USP47: variants seen among roughly 807,000 people sequenced by gnomAD.
USP47 encodes ubiquitin specific peptidase 47, also known as ubiquitin carboxyl-terminal hydrolase 47.
A neutral mutation model predicts 165.1 loss-of-function variants in USP47; 35 were observed. The observed-to-expected ratio is 0.21, with a 90% CI of 0.16 to 0.28. The LOEUF is 0.28. USP47 is among the 10% of genes least tolerant of loss of function. The probability of loss-of-function intolerance (pLI) is 1.00; values close to 1 mark genes in which losing one functional copy is unlikely to be tolerated. For synonymous variants in USP47, 531 were observed against 544.5 expected (o/e 0.98, Z 0.35); for missense variants, 1,277 against 1,607.4 (o/e 0.79, Z 3.52).
intron 20 of USP47, chr11:11,943,458 G>T (rs1855623001): frequency 6.2e-6 from 1 of 160,264 alleles, no homozygotes; most frequent in Non-Finnish European, 1.4e-5. Flanking sequence ...TCAATGCCCA[G>T]GAAAATGTTT....
intron 8 of USP47, among the ~76,000 whole-genome samples, chr11:11,915,494 A>C (rs1460811878): frequency 2.0e-5 from 3 of 152,206 alleles, no homozygotes; most frequent in African/African-American, 4.8e-5. Flanking sequence ...ATACACAGGC[A>C]AATGAGTGCA....
At chr11:11,892,495 C>A (rs1851594670) in intron 4 of USP47, among the ~76,000 whole-genome samples, 1 of 150,704 alleles carries the variant, frequency 6.6e-6, no homozygotes. Context: ...AATCCTCCCA[C>A]CTCAGTCCCC....
At chr11:11,850,364 T>G (rs927179860) in intron 1 of USP47, among the ~76,000 whole-genome samples, 16 of 151,702 alleles carry the variant, frequency 1.1e-4, no homozygotes, top group African/African-American at 3.6e-4. Context: ...GTTTTTCTAC[T>G]AAGTTCTTAT....
intron 11 of USP47, 26 bp downstream of exon 11, chr11:11,922,917 A>G (rs761452066): frequency 1.9e-6 from 3 of 1,600,092 alleles, no homozygotes; most frequent in Non-Finnish European, 2.6e-6. Flanking sequence ...TGCATTTTTT[A>G]GTTGAAAGTG....
At chr11:11,886,092 A>G (rs1214223180) in intron 3 of USP47, among the ~76,000 whole-genome samples, 2 of 152,232 alleles carry the variant, frequency 1.3e-5, no homozygotes, top group Non-Finnish European at 2.9e-5. Flanking sequence ...TCCCTATTCA[A>G]AGGTCAGCAA....
intron 8 of USP47, among the ~76,000 whole-genome samples, chr11:11,906,949 C>T (rs1228929932): frequency 2.0e-5 from 3 of 151,798 alleles, no homozygotes; most frequent in Admixed American, 1.3e-4. Flanking sequence ...TTTTTTATAC[C>T]TTATTTATTA....
chr11:11,864,522 A>G (rs1195538854), intron 1 of USP47, among the ~76,000 whole-genome samples: 2 of 151,746 alleles, frequency 1.3e-5, no homozygotes, highest in Non-Finnish European at 2.9e-5. Context: ...TACCTATTAA[A>G]TAACTCGCCA....
chr11:11,933,768 C>A, intron 15 of USP47, 63 bp from the exon 16 acceptor site: 3 of 1,110,792 alleles, frequency 2.7e-6, no homozygotes, highest in South Asian at 1.3e-5. Context: ...GGAATAAATG[C>A]TATCTACGGA....
intron 1 of USP47, among the ~76,000 whole-genome samples, chr11:11,879,572 C>T (rs1241436583): frequency 6.6e-6 from 1 of 152,072 alleles, no homozygotes; most frequent in East Asian, 1.9e-4. Flanking sequence ...GTTTTTCCTT[C>T]CCCCTCCTCC....
At chr11:11,900,154 C>CTTTTTTTTTTTT in intron 5 of USP47, among the ~76,000 whole-genome samples, 1 of 99,078 alleles carries the variant, frequency 1.0e-5, no homozygotes, top group Non-Finnish European at 1.9e-5. Context: ...ATTTTCTTCA[C>CTTTTTTTTTTTT]TTTTTTTTTT....
intron 20 of USP47, chr11:11,943,630 C>A (rs993544490): frequency 6.6e-6 from 1 of 152,040 alleles, no homozygotes; most frequent in Non-Finnish European, 1.5e-5. Flanking sequence ...CAAGGAGTTA[C>A]TAGAAATTCC....
intron 23 of USP47, 149 bp downstream of exon 23, chr11:11,950,153 C>A: frequency 1.4e-6 from 1 of 713,152 alleles, no homozygotes; most frequent in Non-Finnish European, 2.2e-6. Flanking sequence ...TAGGACTAAA[C>A]AAGAGTATTA....
chr11:11,875,923 G>A (rs1850385094), intron 1 of USP47, among the ~76,000 whole-genome samples: 1 of 152,154 alleles, frequency 6.6e-6, no homozygotes, highest in South Asian at 2.1e-4. Flanking sequence ...TTTTAAAAAG[G>A]ATTTTTTTTC....
At chr11:11,917,046 A>G (rs1338274190) in intron 8 of USP47, among the ~76,000 whole-genome samples, 1 of 152,122 alleles carries the variant, frequency 6.6e-6, no homozygotes, top group Non-Finnish European at 1.5e-5. Flanking sequence ...CTAACTATTC[A>G]GGAGGCTGAG....
At chr11:11,883,660 C>T (rs1471468558) in intron 2 of USP47, among the ~76,000 whole-genome samples, 2 of 151,976 alleles carry the variant, frequency 1.3e-5, no homozygotes, top group African/African-American at 4.8e-5. Flanking sequence ...TATCTCTACT[C>T]CCTCATTTTT....
intron 5 of USP47, among the ~76,000 whole-genome samples, chr11:11,898,027 ACT>A (rs1191648447): frequency 6.6e-6 from 1 of 151,714 alleles, no homozygotes; most frequent in East Asian, 1.9e-4. Context: ...ATAAATCCAT[ACT>A]CTCCTTCCAC....
intron 1 of USP47, among the ~76,000 whole-genome samples, chr11:11,863,165 CA>C (rs1417688951): frequency 6.6e-6 from 1 of 152,110 alleles, no homozygotes; most frequent in Non-Finnish European, 1.5e-5. Flanking sequence ...TGATTATTTA[CA>C]GATGTTGTGA....
intron 1 of USP47, 84 bp downstream of exon 1, chr11:11,842,308 C>G (rs949663989): frequency 6.8e-7 from 1 of 1,471,984 alleles, no homozygotes; most frequent in Non-Finnish European, 9.2e-7. Flanking sequence ...GGCTGCGGGC[C>G]CGGCCGGGGT....
In USP47 at chr11:11,942,926, A is replaced by T; in HGVS notation, c.2905A>T (p.Ser969Cys). The T allele has an allele frequency of 6.2e-7, 1 of 1,613,650 alleles. No individual in the cohort carries two copies. Reference protein sequence around the residue: ...IPLANGLDSHSITSSRRTKAN... With the variant: ...IPLANGLDSHCITSSRRTKAN... ...TTTGGCTAATGGACTTGACTCTCAC[A>T]GTATCACAAGTAGTAGAAGAACGAA... Residue 969 changes from serine (S) to cysteine (C), a missense_variant, in exon 20 of 28, where the codon AGT becomes TGT. Ser to Cys is a moderately radical substitution (Grantham distance 112, BLOSUM62 -1). Transcript: ENST00000527733.
Sources: gnomAD v4.1 joint callset for allele counts (sites outside exome capture counted in the v4.1 genomes callset) on GRCh38, gnomAD v4.1.1 for gene constraint, MANE v1.5 for transcripts, NCBI Gene and HGNC (gene_info 2026-07-23, HGNC 2026-07-21) for gene names.